DHX57: variants seen among roughly 807,000 people sequenced by gnomAD.
The protein encoded by DHX57 is putative ATP-dependent RNA helicase DHX57.
DHX57 carries 105 observed loss-of-function variants against 156.2 expected under a neutral mutation model. The observed-to-expected ratio is 0.67, with a 90% CI of 0.57 to 0.79. The LOEUF (loss-of-function observed/expected upper bound fraction) is 0.79. Among genes scored for constraint, DHX57 ranks in the 30% least tolerant of loss-of-function variants. DHX57 has a pLI of 0.00. For missense variants in DHX57, 1,847 were observed against 1,661.9 expected (o/e 1.11, Z -1.94); for synonymous variants, 704 against 595.6 (o/e 1.18, Z -2.65).
intron 9 of DHX57, among the ~76,000 whole-genome samples, chr2:38,849,314 T>C (rs1246428031): frequency 1.3e-5 from 2 of 152,214 alleles, no homozygotes; most frequent in South Asian, 2.1e-4. Context: ...TTGCCTGGAA[T>C]AGTATGCACG....
intron 9 of DHX57, 113 bp from the exon 10 acceptor site, chr2:38,848,515 A>G: frequency 8.9e-7 from 1 of 1,118,038 alleles, no homozygotes; most frequent in Non-Finnish European, 1.3e-6. Flanking sequence ...AAAAAAAAAA[A>G]CCATTAACGT....
At chr2:38,871,248 A>G (rs1422608493) in intron 1 of DHX57, among the ~76,000 whole-genome samples, 1 of 152,192 alleles carries the variant, frequency 6.6e-6, no homozygotes, top group Non-Finnish European at 1.5e-5. Context: ...TAATATGTAT[A>G]TGATATAATG....
At chr2:38,852,321 C>T (rs993520481) in intron 9 of DHX57, among the ~76,000 whole-genome samples, 43 of 142,878 alleles carry the variant, frequency 3.0e-4, no homozygotes, top group South Asian at 1.4e-3. Flanking sequence ...GGACTACAGG[C>T]GCCTGCCACC....
chr2:38,838,733 C>CTTTAG (rs1235889196), intron 12 of DHX57: 1 of 453,310 alleles, frequency 2.2e-6, no homozygotes, highest in Non-Finnish European at 4.4e-6. Context: ...CTCGCTGAAC[C>CTTTAG]TTTAGGTTCC....
chr2:38,872,120 C>T (rs1211840545), intron 1 of DHX57, among the ~76,000 whole-genome samples: 3 of 152,232 alleles, frequency 2.0e-5, no homozygotes, highest in Non-Finnish European at 4.4e-5. Flanking sequence ...CATCTCCTAA[C>T]ACTGTTGCAT....
intron 1 of DHX57, among the ~76,000 whole-genome samples, chr2:38,872,932 TACAC>T (rs1223437637): frequency 6.6e-6 from 1 of 152,032 alleles, no homozygotes; most frequent in African/African-American, 2.4e-5. Context: ...ACTTCTGAAG[TACAC>T]ATGAAACATT....
At chr2:38,827,242 T>A (rs908249223) in intron 14 of DHX57, among the ~76,000 whole-genome samples, 1 of 151,718 alleles carries the variant, frequency 6.6e-6, no homozygotes, top group African/African-American at 2.4e-5. Context: ...GGGAAAAATG[T>A]TGGAGTGTAA....
chr2:38,865,856 C>A (rs1665040994), intron 2 of DHX57, among the ~76,000 whole-genome samples: 1 of 152,210 alleles, frequency 6.6e-6, no homozygotes, highest in Non-Finnish European at 1.5e-5. Context: ...TATATCTACA[C>A]TTGGAGAACA....
At position 38,868,271 on chromosome 2, in the gene DHX57, A is replaced by ACCGCCACCT. The variant is rs776072725; in HGVS notation, c.134_135insAGGTGGCGG (p.Gly47_Gly49dup). 8 of 1,588,278 alleles carry ACCGCCACCT rather than the reference A, an allele frequency of 5.0e-6. No individual in the cohort carries two copies. In the African/African-American group the frequency reaches 1.1e-4, roughly 22 times the overall value. ...AGGCCTTTCTGTTGCCGCCACCTCCACCACCACCACCACCGCCACCGCCAC... is the reference window on the plus strand; with the variant it reads ...AGGCCTTTCTGTTGCCGCCACCTCCACCGCCACCTCCACCACCACCACCGCCACCGCCAC... On this transcript the variant is annotated inframe_insertion, in exon 2 of 24. Coordinates refer to ENST00000457308, the MANE Select transcript of DHX57 (RefSeq NM_198963.3).
chr2:38,842,731 C>T (rs983154645), intron 12 of DHX57, among the ~76,000 whole-genome samples: 2 of 151,992 alleles, frequency 1.3e-5, no homozygotes, highest in African/African-American at 2.4e-5. Context: ...ACAAAATGCA[C>T]AAGAATATAA....
At chr2:38,842,602 A>C (rs1672066621) in intron 12 of DHX57, among the ~76,000 whole-genome samples, 1 of 152,212 alleles carries the variant, frequency 6.6e-6, no homozygotes, top group Admixed American at 6.5e-5. Flanking sequence ...GCAAATGATA[A>C]AGCAAAAAAT....
At chr2:38,858,351 C>T (rs1365440583) in intron 6 of DHX57, among the ~76,000 whole-genome samples, 6 of 152,250 alleles carry the variant, frequency 3.9e-5, no homozygotes, top group African/African-American at 9.6e-5. Context: ...TGTGAGCCAC[C>T]GTGCCCGGCC....
intron 21 of DHX57, chr2:38,810,315 C>T (rs1192844044): frequency 1.6e-5 from 5 of 309,428 alleles, no homozygotes; most frequent in Non-Finnish European, 2.5e-5. Context: ...GGCCCGGCAG[C>T]CCCACTACAC....
intron 14 of DHX57, 31 bp from the exon 15 acceptor site, chr2:38,826,720 C>G (rs774003927): frequency 1.3e-6 from 2 of 1,595,612 alleles, no homozygotes; most frequent in Non-Finnish European, 1.7e-6. Context: ...ATGAAGTATT[C>G]TAGCACCTAG....
intron 19 of DHX57, 130 bp from the exon 20 acceptor site, chr2:38,815,785 C>T (rs375503565): frequency 2.6e-6 from 3 of 1,137,644 alleles, no homozygotes; most frequent in African/African-American, 3.1e-5. Flanking sequence ...ATTCATTCCT[C>T]AGGTATGAAG....
chr2:38,833,702 G>C (rs571138096), intron 13 of DHX57, among the ~76,000 whole-genome samples: 64 of 152,196 alleles, frequency 4.2e-4, no homozygotes, highest in Non-Finnish European at 6.6e-4. Context: ...GTGTTCAGTT[G>C]ATCCTTGAAC....
intron 13 of DHX57, among the ~76,000 whole-genome samples, chr2:38,832,546 TA>T (rs1671437671): frequency 8.2e-4 from 66 of 80,476 alleles, no homozygotes; most frequent in South Asian, 3.5e-3. Flanking sequence ...TATATATATA[TA>T]TATATTTTTT....
chr2:38,799,892 A>C (rs1309134004), intron 23 of DHX57, among the ~76,000 whole-genome samples: 1 of 151,986 alleles, frequency 6.6e-6, no homozygotes, highest in Non-Finnish European at 1.5e-5. Context: ...GTCTCTAATA[A>C]AAATACAAAA....
At chr2:38,862,043 A>T (rs1199848730) in intron 4 of DHX57, 102 bp downstream of exon 4, 1 of 1,365,646 alleles carries the variant, frequency 7.3e-7, no homozygotes, top group Non-Finnish European at 9.8e-7. Context: ...GCATTGCTGG[A>T]ACCCACATAA....
Sources: gnomAD v4.1 joint callset for allele counts (sites outside exome capture counted in the v4.1 genomes callset) on GRCh38, gnomAD v4.1.1 for gene constraint, MANE v1.5 for transcripts, NCBI Gene and HGNC (gene_info 2026-07-23, HGNC 2026-07-21) for gene names.